Variants in CTNNA3 observed in about 807,000 individuals in gnomAD.
The protein encoded by CTNNA3 is catenin alpha-3.
Under a neutral mutation model 95.7 loss-of-function variants are expected in CTNNA3, and 76 were observed. The ratio of observed to expected loss-of-function variants is 0.79; its 90% CI spans 0.66 to 0.96. CTNNA3 has a LOEUF of 0.96. CTNNA3 is among the 40% of genes least tolerant of loss of function. CTNNA3 has a pLI of 0.00. For synonymous variants in CTNNA3, 431 were observed against 374.4 expected (o/e 1.15, Z -1.74); for missense variants, 1,191 against 1,089.8 (o/e 1.09, Z -1.31).
intron 13 of CTNNA3, among the ~76,000 whole-genome samples, chr10:66,224,809 T>C (rs1055922498): frequency 4.6e-5 from 7 of 152,130 alleles, no homozygotes; most frequent in African/African-American, 1.7e-4. Context: ...AAATTCATAG[T>C]CCTTACAGTT....
At chr10:66,227,401 T>C (rs2089361328) in intron 13 of CTNNA3, among the ~76,000 whole-genome samples, 1 of 151,564 alleles carries the variant, frequency 6.6e-6, no homozygotes, top group Non-Finnish European at 1.5e-5. Flanking sequence ...TGAGGTAATG[T>C]TGAATTTTAT....
At chr10:67,548,536 C>T (rs112848393) in intron 3 of CTNNA3, among the ~76,000 whole-genome samples, 2,509 of 152,218 alleles carry the variant, frequency 0.016, 75 homozygotes, top group African/African-American at 0.055. Context: ...AATCACACTT[C>T]CCAATTTCAA....
chr10:67,374,075 A>G (rs563252955), intron 5 of CTNNA3, among the ~76,000 whole-genome samples: 2 of 152,256 alleles, frequency 1.3e-5, no homozygotes, highest in South Asian at 4.2e-4. Context: ...CTTTCAGACC[A>G]CTGTAGTAAA....
chr10:66,903,698 A>G (rs1304769695), intron 7 of CTNNA3, among the ~76,000 whole-genome samples: 4 of 152,314 alleles, frequency 2.6e-5, no homozygotes, highest in Non-Finnish European at 5.9e-5. Flanking sequence ...TACAAAATCA[A>G]TGTGCAAAAA....
At chr10:67,405,910 C>T (rs1004896811) in intron 5 of CTNNA3, among the ~76,000 whole-genome samples, 5 of 152,064 alleles carry the variant, frequency 3.3e-5, no homozygotes, top group African/African-American at 1.2e-4. Context: ...CATTCAAACC[C>T]ACATAATATG....
rs78072880 is a variant in CTNNA3, at chr10:67,136,175, G to T, written c.1047+44142C>A. Among the ~76,000 whole-genome samples, 1,528 of 151,646 alleles carry T rather than the reference G, an allele frequency of 0.01. 76 individuals are homozygous for T. In the East Asian group the frequency reaches 0.14, roughly 14 times the overall value. On this transcript the variant is annotated intron_variant, in intron 7 of 17. Coordinates refer to ENST00000433211, the MANE Select transcript of CTNNA3 (RefSeq NM_013266.4). Reference sequence around the variant, plus strand: ...TCATCTGGGTTTTTTTGTTTGGTTGGTTTTTTTACCAGTCATTACATATTC... The same window carrying T: ...TCATCTGGGTTTTTTTGTTTGGTTGTTTTTTTTACCAGTCATTACATATTC...
intron 13 of CTNNA3, among the ~76,000 whole-genome samples, chr10:66,222,628 A>AAG (rs767144186): frequency 1.2e-4 from 18 of 149,416 alleles, no homozygotes; most frequent in African/African-American, 4.4e-4. Context: ...AAGAAAAAGA[A>AAG]AGAAAGAAAG....
chr10:66,746,990 C>G lies in CTNNA3; in HGVS notation c.1281+19274G>C, dbSNP rs1203992722. Among the ~76,000 whole-genome samples, 3 of 151,164 alleles carry G rather than the reference C, an allele frequency of 2.0e-5. No homozygotes were observed. The East Asian group carries it at 5.8e-4, about 29-fold the overall frequency. ...TTTATAGATTTTTAGTCAGTAATGT[C>G]AAGATGTTTTCCAAGAGAAAAAAAA... On this transcript the variant is annotated intron_variant, in intron 9 of 17. Coordinates refer to ENST00000433211, the MANE Select transcript of CTNNA3 (RefSeq NM_013266.4).
At chr10:66,005,152 T>C (rs757363927) in intron 15 of CTNNA3, among the ~76,000 whole-genome samples, 8 of 152,204 alleles carry the variant, frequency 5.3e-5, no homozygotes, top group South Asian at 2.1e-4. Context: ...TCCTTCTCCT[T>C]TCTGTTCTCC....
intron 12 of CTNNA3, among the ~76,000 whole-genome samples, chr10:66,315,396 A>AT (rs2092087403): frequency 6.6e-6 from 1 of 152,012 alleles, no homozygotes; most frequent in African/African-American, 2.4e-5. Flanking sequence ...GAAAGGTCTT[A>AT]TACCCATTTT....
At chr10:66,801,243 A>G (rs1841417972) in intron 7 of CTNNA3, among the ~76,000 whole-genome samples, 1 of 151,380 alleles carries the variant, frequency 6.6e-6, no homozygotes, top group Non-Finnish European at 1.5e-5. Flanking sequence ...ATCACGTGAA[A>G]TTAATCATCA....
At chr10:67,600,069 A>G (rs138342792) in intron 3 of CTNNA3, among the ~76,000 whole-genome samples, 7 of 152,236 alleles carry the variant, frequency 4.6e-5, no homozygotes, top group African/African-American at 1.2e-4. Context: ...CTGGTTTTCA[A>G]CAAAGGTGAA....
chr10:67,314,446 G>A (rs1017938179), intron 5 of CTNNA3, among the ~76,000 whole-genome samples: 3 of 152,160 alleles, frequency 2.0e-5, no homozygotes, highest in African/African-American at 7.2e-5. Flanking sequence ...GATATTTTCT[G>A]TTTATTACAT....
At chr10:66,900,557 C>T (rs747885552) in intron 7 of CTNNA3, among the ~76,000 whole-genome samples, 11 of 151,996 alleles carry the variant, frequency 7.2e-5, no homozygotes, top group East Asian at 3.9e-4. Context: ...TTCAGAAAGT[C>T]GGTAATAACA....
At chr10:66,391,574 G>A (rs1178508752) in intron 11 of CTNNA3, among the ~76,000 whole-genome samples, 1 of 151,970 alleles carries the variant, frequency 6.6e-6, no homozygotes, top group Non-Finnish European at 1.5e-5. Context: ...CTCTGTAAGA[G>A]TTAATGCTCT....
At chr10:66,130,864 C>CAAAAAAAAAAAAAA (rs1209953818) in intron 13 of CTNNA3, among the ~76,000 whole-genome samples, 2 of 83,292 alleles carry the variant, frequency 2.4e-5, no homozygotes, top group Non-Finnish European at 5.6e-5. Context: ...CAAAAACAAA[C>CAAAAAAAAAAAAAA]AAAAAAAAAA....
chr10:66,967,028 G>A (rs763273914), intron 7 of CTNNA3, among the ~76,000 whole-genome samples: 57 of 151,826 alleles, frequency 3.8e-4, no homozygotes, highest in Admixed American at 1.1e-3. Flanking sequence ...AGTTCATAGC[G>A]CAAAAAGAAA....
chr10:66,252,806 G>C (rs555624557), intron 13 of CTNNA3, among the ~76,000 whole-genome samples: 156 of 152,270 alleles, frequency 1.0e-3, no homozygotes, highest in African/African-American at 3.7e-3. Context: ...CCACATTTCT[G>C]GCTCCAGCCA....
chr10:67,600,796 A>C (rs1302084218), intron 3 of CTNNA3, among the ~76,000 whole-genome samples: 2 of 152,258 alleles, frequency 1.3e-5, no homozygotes, highest in Non-Finnish European at 2.9e-5. Flanking sequence ...AAAAAACCAG[A>C]AATAATTCAA....
Sources: allele counts gnomAD v4.1 joint callset (sites outside exome capture counted in the v4.1 genomes callset), GRCh38; gene constraint gnomAD v4.1.1; transcripts MANE v1.5; gene names NCBI Gene and HGNC (gene_info 2026-07-23, HGNC 2026-07-21).